The following RMST variants were observed in gnomAD, a reference collection of about 807,000 sequenced individuals.
RMST encodes the protein rhabdomyosarcoma 2 associated transcript.
At position 97,487,944 on chromosome 12, in the gene RMST, A is replaced by G. The variant is rs541694037; in HGVS notation, n.645-4517A>G. On this transcript the variant is annotated intron_variant and non_coding_transcript_variant, in intron 5 of 13. Coordinates refer to ENST00000640149, the Ensembl canonical transcript of RMST. ...CTATGAAGAATTTATTTCTTCTCTA[A>G]CACTTCAACCGTCTCCTTCTACCCC... 3.9e-5 allele frequency among the ~76,000 whole-genome samples: 6 copies of G among 152,290 alleles called. No individual in the cohort carries two copies. In the South Asian group the frequency reaches 1.0e-3, roughly 26 times the overall value.
chr12:97,534,978 G>T (rs1881955915), intron 11 of RMST, among the ~76,000 whole-genome samples: 2 of 151,464 alleles, frequency 1.3e-5, no homozygotes, highest in Non-Finnish European at 3.0e-5. Context: ...TATTCTTCTG[G>T]ACTAAGGAGA....
At chr12:97,497,164 T>G (rs1273742674) in intron 10 of RMST, among the ~76,000 whole-genome samples, 1 of 152,202 alleles carries the variant, frequency 6.6e-6, no homozygotes, top group Non-Finnish European at 1.5e-5. Flanking sequence ...AGGTCAACAG[T>G]TAACAGAGAA....
intron 10 of RMST, among the ~76,000 whole-genome samples, chr12:97,520,530 A>G (rs1880406317): frequency 6.6e-6 from 1 of 152,090 alleles, no homozygotes. Context: ...ATAATTAATA[A>G]TTATACAAAC....
At chr12:97,537,275 TTGA>T (rs1454120251) in intron 11 of RMST, among the ~76,000 whole-genome samples, 3 of 151,434 alleles carry the variant, frequency 2.0e-5, no homozygotes, top group African/African-American at 7.2e-5. Flanking sequence ...TGAGTCCTGC[TTGA>T]TGATTAAACC....
intron 13 of RMST, chr12:97,563,826 T>C (rs2136682177): frequency 2.0e-6 from 1 of 509,838 alleles, no homozygotes; most frequent in East Asian, 5.6e-5. Flanking sequence ...AAATTCACTC[T>C]AGTGCTTTAT....
chr12:97,487,149 G>A (rs576700860), intron 5 of RMST, among the ~76,000 whole-genome samples: 7 of 152,294 alleles, frequency 4.6e-5, no homozygotes, highest in African/African-American at 1.7e-4. Flanking sequence ...GAACATCTGA[G>A]AGCATCTGAA....
At chr12:97,558,652 G>T (rs1222455680) in intron 11 of RMST, among the ~76,000 whole-genome samples, 4 of 152,074 alleles carry the variant, frequency 2.6e-5, no homozygotes, top group Non-Finnish European at 5.9e-5. Flanking sequence ...CTGATTGCTA[G>T]AGCAGGCTTG....
rs1295334408 is a variant in RMST at position 97,507,796 on chromosome 12, C to T, written n.1340+11740C>T. On this transcript the variant is annotated intron_variant and non_coding_transcript_variant, in intron 10 of 13. Coordinates refer to ENST00000640149, the Ensembl canonical transcript of RMST. ...GGTAGTATTTGTGAGGCTGTAGAACCTCTTTTTTCTCAACATCTAACCTGG... is the reference window on the plus strand; with the variant it reads ...GGTAGTATTTGTGAGGCTGTAGAACTTCTTTTTTCTCAACATCTAACCTGG... Among the ~76,000 whole-genome samples the T allele has an allele frequency of 4.6e-5, 7 of 152,132 alleles. No individual in the cohort carries two copies. In the East Asian group the frequency reaches 1.3e-3, roughly 29 times the overall value.
intron 10 of RMST, chr12:97,530,425 G>C (rs571467258): frequency 9.9e-5 from 15 of 152,104 alleles, no homozygotes; most frequent in African/African-American, 3.6e-4. Flanking sequence ...TCACCTGATT[G>C]CTTTCCTGCT....
chr12:97,557,364 A>ATG (rs1480945328), intron 11 of RMST, among the ~76,000 whole-genome samples: 2 of 152,102 alleles, frequency 1.3e-5, no homozygotes, highest in African/African-American at 4.8e-5. Context: ...GTCTGCATGT[A>ATG]TGTGTGCAGC....
chr12:97,479,115 G>T (rs965355338), intron 5 of RMST, among the ~76,000 whole-genome samples: 1 of 144,912 alleles, frequency 6.9e-6, no homozygotes, highest in Non-Finnish European at 1.5e-5. Flanking sequence ...CTGTACTTTG[G>T]GTGTTTCCTT....
At chr12:97,474,382 A>G (rs1177308023) in intron 5 of RMST, among the ~76,000 whole-genome samples, 3 of 151,988 alleles carry the variant, frequency 2.0e-5, no homozygotes, top group Non-Finnish European at 4.4e-5. Context: ...AACTCCTCTC[A>G]CTGCTGTCTG....
intron 13 of RMST, chr12:97,561,133 C>CCTAA (rs2136674085): frequency 6.6e-6 from 1 of 152,296 alleles, no homozygotes; most frequent in South Asian, 2.1e-4. Flanking sequence ...ACATGTATTT[C>CCTAA]CTAACTAAAG....
intron 11 of RMST, among the ~76,000 whole-genome samples, chr12:97,543,392 A>G (rs56935694): frequency 0.016 from 2,441 of 152,104 alleles, 56 homozygotes; most frequent in African/African-American, 0.056. Context: ...TTGGTTGTCT[A>G]TCATCCCTCT....
intron 10 of RMST, among the ~76,000 whole-genome samples, chr12:97,526,162 G>A (rs12315884): frequency 0.085 from 12,849 of 151,836 alleles, 1,029 homozygotes; most frequent in African/African-American, 0.21. Flanking sequence ...AATGTAATGC[G>A]CTTGAATCAT....
intron 5 of RMST, among the ~76,000 whole-genome samples, chr12:97,487,752 C>T (rs2136439558): frequency 6.6e-6 from 1 of 152,308 alleles, no homozygotes; most frequent in East Asian, 1.9e-4. Flanking sequence ...GCCTCATCCT[C>T]TCCAATGAAA....
chr12:97,515,040 C>T (rs1192279880), intron 10 of RMST, among the ~76,000 whole-genome samples: 2 of 152,074 alleles, frequency 1.3e-5, no homozygotes, highest in African/African-American at 4.8e-5. Flanking sequence ...CCTAAGCATA[C>T]TGCGTGATAG....
chr12:97,500,757 C>T (rs1877999630), intron 10 of RMST, among the ~76,000 whole-genome samples: 1 of 152,138 alleles, frequency 6.6e-6, no homozygotes, highest in South Asian at 2.1e-4. Flanking sequence ...AGCTGCAATC[C>T]CATTCAGGTC....
chr12:97,487,488 T>G (rs1565920608), intron 5 of RMST, among the ~76,000 whole-genome samples: 1 of 151,670 alleles, frequency 6.6e-6, no homozygotes, highest in Non-Finnish European at 1.5e-5. Flanking sequence ...CACAAGAAAA[T>G]AGGAATTTTG....
Sources: allele counts gnomAD v4.1 joint callset (sites outside exome capture counted in the v4.1 genomes callset), GRCh38; gene constraint gnomAD v4.1.1; transcripts MANE v1.5; gene names NCBI Gene and HGNC (gene_info 2026-07-23, HGNC 2026-07-21).